MOB3B: variants seen among roughly 807,000 people sequenced by gnomAD.
The protein encoded by MOB3B is MOB kinase activator-like 2B.
In MOB3B, 7 loss-of-function variants were observed where a neutral mutation model predicts 18.7. The observed-to-expected ratio is 0.37, with a 90% CI of 0.21 to 0.70. The LOEUF is 0.70. Among genes scored for constraint, MOB3B ranks in the 30% least tolerant of loss-of-function variants. The pLI, the probability that MOB3B is intolerant of heterozygous loss-of-function variation, is 0.52. For synonymous variants in MOB3B, 111 were observed against 99.9 expected (o/e 1.11, Z -0.66); for missense variants, 253 against 281.3 (o/e 0.90, Z 0.72).
intron 3 of MOB3B, among the ~76,000 whole-genome samples, chr9:27,340,670 G>T (rs7037978): frequency 2.6e-5 from 4 of 151,850 alleles, no homozygotes; most frequent in East Asian, 1.9e-4. Flanking sequence ...GTATCAACCT[G>T]GCTGATGCAC....
intron 1 of MOB3B, among the ~76,000 whole-genome samples, chr9:27,517,361 G>A (rs1320811187): frequency 6.6e-6 from 1 of 152,070 alleles, no homozygotes; most frequent in Non-Finnish European, 1.5e-5. Flanking sequence ...TCTATCAAGA[G>A]GTAGAATTGG....
intron 1 of MOB3B, among the ~76,000 whole-genome samples, chr9:27,482,620 C>G (rs4879516): frequency 0.032 from 4,861 of 152,214 alleles, 436 homozygotes; most frequent in East Asian, 0.28. Flanking sequence ...GCATCTCAAC[C>G]TCTGCCTCTA....
intron 2 of MOB3B, among the ~76,000 whole-genome samples, chr9:27,446,445 CT>C (rs1285323177): frequency 1.3e-5 from 2 of 152,202 alleles, no homozygotes; most frequent in Non-Finnish European, 2.9e-5. Flanking sequence ...CTTCCTGATT[CT>C]AGCTGTCAAG....
chr9:27,345,276 T>G (rs1821015853), intron 3 of MOB3B, among the ~76,000 whole-genome samples: 1 of 152,144 alleles, frequency 6.6e-6, no homozygotes, highest in Non-Finnish European at 1.5e-5. Context: ...CAGGTTGTAA[T>G]GGGTCAGAAC....
chr9:27,341,166 C>T (rs891531981), intron 3 of MOB3B, among the ~76,000 whole-genome samples: 5 of 152,186 alleles, frequency 3.3e-5, no homozygotes, highest in African/African-American at 1.2e-4. Flanking sequence ...ACCGGAAACT[C>T]CAGGTTAGGT....
intron 2 of MOB3B, among the ~76,000 whole-genome samples, chr9:27,361,654 C>G (rs544829427): frequency 6.6e-6 from 1 of 152,328 alleles, no homozygotes; most frequent in South Asian, 2.1e-4. Flanking sequence ...ACTGAGCCCT[C>G]AGAACAGGCC....
intron 2 of MOB3B, among the ~76,000 whole-genome samples, chr9:27,389,712 A>G (rs1464393707): frequency 1.3e-5 from 2 of 152,186 alleles, no homozygotes; most frequent in Admixed American, 6.5e-5. Flanking sequence ...TGTATATGCT[A>G]TGGAAACCAC....
chr9:27,457,155 C>G (rs1819188813), intron 1 of MOB3B, among the ~76,000 whole-genome samples: 1 of 152,192 alleles, frequency 6.6e-6, no homozygotes, highest in Non-Finnish European at 1.5e-5. Context: ...CATATATTCC[C>G]AAAAGTAATG....
At chr9:27,396,059 G>T (rs1463692263) in intron 2 of MOB3B, among the ~76,000 whole-genome samples, 1 of 152,002 alleles carries the variant, frequency 6.6e-6, no homozygotes, top group Non-Finnish European at 1.5e-5. Context: ...TTAAGGTAGG[G>T]GTGTGGGGGA....
At chr9:27,528,640 C>T (rs948768822) in intron 1 of MOB3B, among the ~76,000 whole-genome samples, 5 of 152,316 alleles carry the variant, frequency 3.3e-5, no homozygotes, top group South Asian at 4.1e-4. Flanking sequence ...TCCTTCTCTC[C>T]CCAAGCCCCG....
intron 1 of MOB3B, among the ~76,000 whole-genome samples, chr9:27,463,664 T>C (rs1199678344): frequency 6.6e-6 from 1 of 151,922 alleles, no homozygotes; most frequent in African/African-American, 2.4e-5. Flanking sequence ...TTTTGTCTTC[T>C]TTAAAGATGA....
At chr9:27,367,310 T>C (rs1472070832) in intron 2 of MOB3B, among the ~76,000 whole-genome samples, 2 of 152,238 alleles carry the variant, frequency 1.3e-5, no homozygotes, top group Non-Finnish European at 2.9e-5. Flanking sequence ...GGAAGCTTTG[T>C]AGGGTTTCTA....
chr9:27,377,351 G>A (rs1004423166), intron 2 of MOB3B, among the ~76,000 whole-genome samples: 16 of 152,192 alleles, frequency 1.1e-4, no homozygotes, highest in African/African-American at 3.6e-4. Flanking sequence ...CTCCCAGGAT[G>A]AGACGATGAG....
At chr9:27,431,151 C>G (rs1457689033) in intron 2 of MOB3B, among the ~76,000 whole-genome samples, 1 of 152,104 alleles carries the variant, frequency 6.6e-6, no homozygotes, top group Non-Finnish European at 1.5e-5. Flanking sequence ...ACCCTTAAAA[C>G]AGTATTCTTT....
chr9:27,467,238 C>A (rs1229355978), intron 1 of MOB3B, among the ~76,000 whole-genome samples: 1 of 152,204 alleles, frequency 6.6e-6, no homozygotes, highest in South Asian at 2.1e-4. Flanking sequence ...GGTCTGAGTC[C>A]AGACTCTGCC....
rs545932169 is a variant in MOB3B, at chr9:27,396,033, C to T, written c.419-36797G>A. On this transcript the variant is annotated intron_variant, in intron 2 of 3. Transcript: ENST00000262244. ...TGTTACCTTTTTTGGATACTGAGCACAAGGTGCCTGGCCACTTAAGGTAGG... is the reference window on the plus strand; with the variant it reads ...TGTTACCTTTTTTGGATACTGAGCATAAGGTGCCTGGCCACTTAAGGTAGG... Among the ~76,000 whole-genome samples, 71 of 152,124 alleles carry T rather than the reference C, an allele frequency of 4.7e-4. 3 individuals carry two copies. In the South Asian group the frequency reaches 0.014, roughly 30 times the overall value.
At chr9:27,422,766 G>A (rs561672749) in intron 2 of MOB3B, among the ~76,000 whole-genome samples, 1 of 152,292 alleles carries the variant, frequency 6.6e-6, no homozygotes, top group African/African-American at 2.4e-5. Context: ...GTAAATTCCA[G>A]TTACAGAAAA....
Position 27,335,845 on chromosome 9 carries a change from T to C in MOB3B, c.622-5229A>G, listed in dbSNP as rs577563258. ...GCCCATGACACCTTTCACACTGTTGTGCGACCGTTTATCACATTCCTGGTT... is the reference window on the plus strand; with the variant it reads ...GCCCATGACACCTTTCACACTGTTGCGCGACCGTTTATCACATTCCTGGTT... On this transcript the variant is annotated intron_variant, in intron 3 of 3. Coordinates refer to ENST00000262244, the MANE Select transcript of MOB3B (RefSeq NM_024761.5). 2.1e-3 allele frequency among the ~76,000 whole-genome samples: 316 copies of C among 152,328 alleles called. 1 individual carries two copies. The highest frequency in any genetic ancestry group is 7.2e-3 in the African/African-American group (301 of 41,572).
At chr9:27,528,782 G>C (rs1030136291) in intron 1 of MOB3B, among the ~76,000 whole-genome samples, 1 of 152,182 alleles carries the variant, frequency 6.6e-6, no homozygotes, top group Non-Finnish European at 1.5e-5. Flanking sequence ...GAGCGCGAGG[G>C]GGGGGATCCC....
Sources: allele counts gnomAD v4.1 joint callset (sites outside exome capture counted in the v4.1 genomes callset), GRCh38; gene constraint gnomAD v4.1.1; transcripts MANE v1.5; gene names NCBI Gene and HGNC (gene_info 2026-07-23, HGNC 2026-07-21).